Variants in ELL observed in about 807,000 individuals in gnomAD.
ELL encodes the protein RNA polymerase II elongation factor ELL.
ELL carries 18 observed loss-of-function variants against 64.0 expected under a neutral mutation model. The ratio of observed to expected loss-of-function variants is 0.28; its 90% CI spans 0.19 to 0.42. The LOEUF is 0.42. ELL is among the 10% of genes least tolerant of loss of function. The pLI is 1.00. For missense variants in ELL, 797 were observed against 870.4 expected (o/e 0.92, Z 1.06); for synonymous variants, 399 against 376.2 (o/e 1.06, Z -0.70).
intron 1 of ELL, among the ~76,000 whole-genome samples, chr19:18,520,821 G>A (rs12983263): frequency 0.21 from 31,375 of 148,752 alleles, 3,347 homozygotes; most frequent in Admixed American, 0.25. Flanking sequence ...GGGCAATGAA[G>A]CCCCCAATTT....
chr19:18,480,443 T>C (rs1444689072), intron 1 of ELL, among the ~76,000 whole-genome samples: 2 of 152,146 alleles, frequency 1.3e-5, no homozygotes, highest in African/African-American at 4.8e-5. Context: ...TGGACCTCAC[T>C]GGTTCCAGCC....
chr19:18,461,763 C>G lies in ELL; in HGVS notation c.559G>C (p.Ala187Pro). ...GCACTGGCACCACTCTTCCTGATGG[C>G]ACTCGCCAAGTTGATGGGGGTTGCC... The part of the protein sequence containing the change: ...KRATPINLAS[A>P]IRKSGASAVS... Residue 187 changes from alanine to proline, a missense_variant, in exon 5 of 12, where the codon GCC becomes CCC. Ala to Pro is a conservative substitution (Grantham distance 27). Coordinates refer to ENST00000262809, the MANE Select transcript of ELL (RefSeq NM_006532.4). 6.2e-7 allele frequency: 1 copy of G among 1,614,072 alleles called. No individual in the cohort carries two copies. The highest frequency in any genetic ancestry group is 8.5e-7 in the Non-Finnish European group (1 of 1,180,046).
chr19:18,460,329 G>T (rs768869240), intron 5 of ELL, among the ~76,000 whole-genome samples: 1 of 152,232 alleles, frequency 6.6e-6, no homozygotes, highest in Non-Finnish European at 1.5e-5. Context: ...GAAGCAAGAA[G>T]CAGACGAGCT....
chr19:18,481,879 G>A (rs542515850), intron 1 of ELL, among the ~76,000 whole-genome samples: 2 of 152,230 alleles, frequency 1.3e-5, no homozygotes, highest in Non-Finnish European at 2.9e-5. Context: ...CCAGGAGCCC[G>A]ACTGCTGGGT....
chr19:18,514,850 C>A (rs566538920), intron 1 of ELL, among the ~76,000 whole-genome samples: 1 of 152,320 alleles, frequency 6.6e-6, no homozygotes, highest in Admixed American at 6.5e-5. Flanking sequence ...GGCTGATGCC[C>A]CCTGAGAAGC....
At chr19:18,465,639 G>A in intron 3 of ELL, 64 bp from the exon 4 acceptor site, 1 of 1,487,758 alleles carries the variant, frequency 6.7e-7, no homozygotes, top group Non-Finnish European at 9.0e-7. Context: ...TCCGTTGAGG[G>A]CCCAAGCCCC....
intron 6 of ELL, among the ~76,000 whole-genome samples, chr19:18,455,438 C>T (rs1375192102): frequency 2.0e-5 from 3 of 149,744 alleles, no homozygotes; most frequent in Non-Finnish European, 4.4e-5. Flanking sequence ...TGCAGTGAGC[C>T]GAGATCATGC....
At chr19:18,468,285 AAAC>A (rs1600455169) in intron 2 of ELL, among the ~76,000 whole-genome samples, 1 of 152,020 alleles carries the variant, frequency 6.6e-6, no homozygotes, top group African/African-American at 2.4e-5. Flanking sequence ...TCCCACACAC[AAAC>A]AACCACACAC....
intron 1 of ELL, among the ~76,000 whole-genome samples, chr19:18,508,981 C>A (rs1446432303): frequency 1.3e-5 from 2 of 152,120 alleles, no homozygotes; most frequent in Non-Finnish European, 2.9e-5. Context: ...TAGCAGTGAC[C>A]CTGGGCAGAG....
At chr19:18,520,329 A>G (rs1976236565) in intron 1 of ELL, among the ~76,000 whole-genome samples, 1 of 152,120 alleles carries the variant, frequency 6.6e-6, no homozygotes, top group South Asian at 2.1e-4. Context: ...GCTCAGGGAA[A>G]AAGACCCAGG....
chr19:18,517,320 C>T (rs536918443), intron 1 of ELL, among the ~76,000 whole-genome samples: 4 of 152,228 alleles, frequency 2.6e-5, no homozygotes, highest in Non-Finnish European at 4.4e-5. Flanking sequence ...TGCAGTGGTG[C>T]GATCTCGGTT....
chr19:18,461,018 C>CG (rs1974800161), intron 5 of ELL, among the ~76,000 whole-genome samples: 1 of 152,154 alleles, frequency 6.6e-6, no homozygotes, highest in Admixed American at 6.5e-5. Flanking sequence ...CTCCAATGCC[C>CG]GGGGTGTTTC....
intron 2 of ELL, among the ~76,000 whole-genome samples, chr19:18,469,779 C>T (rs1975025263): frequency 6.6e-6 from 1 of 152,224 alleles, no homozygotes; most frequent in Admixed American, 6.5e-5. Context: ...GCGTTGCTTC[C>T]ACCACCGCTC....
At chr19:18,482,754 T>C (rs1406024420) in intron 1 of ELL, among the ~76,000 whole-genome samples, 1 of 137,470 alleles carries the variant, frequency 7.3e-6, no homozygotes, top group Non-Finnish European at 1.6e-5. Context: ...TCCTCCCATC[T>C]TTTTGGTTTT....
At position 18,465,787 on chromosome 19, in the gene ELL, G is replaced by A. The variant is rs768332113; in HGVS notation, c.305+10C>T. 5.6e-6 allele frequency: 8 copies of A among 1,419,536 alleles called. No individual in the cohort carries two copies. Among genetic ancestry groups the A allele is most frequent in the East Asian group, 5.3e-5 (2 of 37,694 alleles). 87.9% of individuals were successfully genotyped at this position (1,419,536 alleles called of 1,614,324 possible). On this transcript the variant is annotated intron_variant, in intron 3 of 11. Transcript: ENST00000262809. ...CCGGCGGGGTGCTCTGGGGTGGGGC[G>A]GCGCCTCACCTGGAGACATACTGCT...
intron 1 of ELL, among the ~76,000 whole-genome samples, chr19:18,477,419 GAA>G (rs1975200474): frequency 6.6e-6 from 1 of 152,168 alleles, no homozygotes; most frequent in Admixed American, 6.5e-5. Context: ...GGGGATCTGA[GAA>G]AAGAGTGGCC....
intron 1 of ELL, among the ~76,000 whole-genome samples, chr19:18,502,115 G>A (rs1022073413): frequency 6.6e-6 from 1 of 152,140 alleles, no homozygotes; most frequent in African/African-American, 2.4e-5. Flanking sequence ...GGTGCTCTAC[G>A]CTAAGCTGCC....
At chr19:18,521,821 G>A (rs927205032) in intron 1 of ELL, 100 bp downstream of exon 1, 3 of 1,463,596 alleles carry the variant, frequency 2.0e-6, no homozygotes, top group Non-Finnish European at 2.7e-6. Context: ...CAGCACCACA[G>A]ACCTAGCGTC....
rs1600449299 is a variant in ELL, at chr19:18,464,345, G to A, written c.469+1067C>T. ...TGTGCCACCGCACTCCAGCCTGAGT[G>A]ACAGAGAAAGGTCCTGTCTTTAAAA... is the stretch of plus-strand genomic sequence containing the variant. On this transcript the variant is annotated intron_variant, in intron 4 of 11. Transcript: ENST00000262809. Among the ~76,000 whole-genome samples, 3 of 152,302 alleles carry A rather than the reference G, an allele frequency of 2.0e-5. No individual in the cohort carries two copies. In the East Asian group the frequency reaches 5.8e-4, roughly 29 times the overall value.
Sources: gnomAD v4.1 joint callset for allele counts (sites outside exome capture counted in the v4.1 genomes callset) on GRCh38, gnomAD v4.1.1 for gene constraint, MANE v1.5 for transcripts, NCBI Gene and HGNC (gene_info 2026-07-23, HGNC 2026-07-21) for gene names.